Variants in RBFOX3 observed in about 807,000 individuals in gnomAD.
RBFOX3 encodes the protein RNA binding fox-1 homolog 3, also known as RNA binding protein fox-1 homolog 3.
A neutral mutation model predicts 48.7 loss-of-function variants in RBFOX3; 17 were observed. The observed-to-expected ratio is 0.35, with a 90% confidence interval of 0.24 to 0.52. The LOEUF is 0.52. RBFOX3 is among the 20% of genes least tolerant of loss of function. RBFOX3 has a pLI of 0.94. For synonymous variants in RBFOX3, 212 were observed against 209.5 expected, an observed-to-expected ratio of 1.01 and a Z score of -0.10; for missense variants, 382 against 497.5, an observed-to-expected ratio of 0.77 and a Z score of 2.21.
the RBFOX3 span, among the ~76,000 whole-genome samples, chr17:79,636,824 A>T: frequency 6.6e-6 from 1 of 152,320 alleles, no homozygotes; most frequent in Admixed American, 6.5e-5. Context: ...AAACATTTAC[A>T]TTACATGTAA....
At chr17:79,532,231 G>C (rs1472090694) in intron 1 of RBFOX3, among the ~76,000 whole-genome samples, 1 of 152,060 alleles carries the variant, frequency 6.6e-6, no homozygotes, top group Non-Finnish European at 1.5e-5. Flanking sequence ...ATGAGGCTCA[G>C]TTCCCCCTTT....
rs766389727 is a variant in RBFOX3 at position 79,096,740 on chromosome 17, G to A, written c.849C>T (p.Tyr283=). ...GTGGTGGGAACGCTGGAGAGGTGGGGTAGGCCGGCTCCGGTGTCTGCTGAG... is the reference window on the plus strand; with the variant it reads ...GTGGTGGGAACGCTGGAGAGGTGGGATAGGCCGGCTCCGGTGTCTGCTGAG... ...LPPQQTPEPA[Y]PTSPAFPPLS... The change falls in exon 12 of 15, where the codon TAC becomes TAT. Residue 283 remains tyrosine (Y), a synonymous_variant. Transcript: ENST00000693108. 2 of 1,534,590 alleles carry A rather than the reference G, an allele frequency of 1.3e-6. No individual in the cohort carries two copies. Among genetic ancestry groups the A allele is most frequent in the South Asian group, 1.2e-5 (1 of 83,672 alleles).
chr17:79,614,954 C>T (rs1599296034), upstream of RBFOX3, among the ~76,000 whole-genome samples: 1 of 152,052 alleles, frequency 6.6e-6, no homozygotes, highest in East Asian at 1.9e-4. Flanking sequence ...GAAAGGAAAT[C>T]ATCAATTACT....
At chr17:79,228,268 G>C (rs772131156) in intron 4 of RBFOX3, among the ~76,000 whole-genome samples, 1 of 152,188 alleles carries the variant, frequency 6.6e-6, no homozygotes, top group African/African-American at 2.4e-5. Flanking sequence ...GCTCCGGAGC[G>C]GGCGGGGTGG....
intron 2 of RBFOX3, among the ~76,000 whole-genome samples, chr17:79,330,198 C>A (rs983002023): frequency 6.6e-6 from 1 of 152,216 alleles, no homozygotes; most frequent in African/African-American, 2.4e-5. Flanking sequence ...TGGGACACAG[C>A]AATGTCTTCT....
At position 79,392,850 on chromosome 17, in the gene RBFOX3, C is replaced by T. The variant is rs189271599; in HGVS notation, c.-174-85026G>A. ...TAACCTGCTGCTGCTGACTGAGACA[C>T]TGACTCCTGCAGAGCTTCTCTGAGG... On this transcript the variant is annotated intron_variant, in intron 2 of 14. Transcript: ENST00000693108. The surrounding 1 kb of genome is among the most constrained non-coding windows in gnomAD (Gnocchi z 5.0). Among the ~76,000 whole-genome samples, 18 of 152,346 alleles carry T rather than the reference C, an allele frequency of 1.2e-4. No homozygotes were observed. Among genetic ancestry groups the T allele is most frequent in the African/African-American group, 3.6e-4 (15 of 41,578 alleles).
At chr17:79,330,659 C>T (rs993244405) in intron 2 of RBFOX3, among the ~76,000 whole-genome samples, 3 of 152,138 alleles carry the variant, frequency 2.0e-5, no homozygotes, top group Admixed American at 2.0e-4. Flanking sequence ...GGCTCTGGGA[C>T]GGGCAAAATC....
At chr17:79,124,115 T>A (rs1179382793) in intron 4 of RBFOX3, among the ~76,000 whole-genome samples, 1 of 152,234 alleles carries the variant, frequency 6.6e-6, no homozygotes, top group East Asian at 1.9e-4. Flanking sequence ...CCACTGGGCA[T>A]GCTCTTTACA....
At chr17:79,247,144 T>G (rs1394056230) in intron 3 of RBFOX3, among the ~76,000 whole-genome samples, 2 of 152,040 alleles carry the variant, frequency 1.3e-5, no homozygotes, top group Non-Finnish European at 2.9e-5. Context: ...AGGCCAAGTG[T>G]GCTGGAGGCT....
intron 1 of RBFOX3, among the ~76,000 whole-genome samples, chr17:79,576,745 T>C (rs2092876883): frequency 6.7e-6 from 1 of 148,998 alleles, no homozygotes; most frequent in Non-Finnish European, 1.5e-5. Context: ...ATGATGGAGA[T>C]CATGGAGATG....
intron 4 of RBFOX3, among the ~76,000 whole-genome samples, chr17:79,228,169 G>A (rs1057364693): frequency 4.6e-5 from 7 of 152,180 alleles, no homozygotes; most frequent in Non-Finnish European, 1.0e-4. Flanking sequence ...GTGGGATTGT[G>A]TCAAGACCTC....
At chr17:79,627,589 C>T in the RBFOX3 span, among the ~76,000 whole-genome samples, 2 of 152,132 alleles carry the variant, frequency 1.3e-5, no homozygotes, top group East Asian at 1.9e-4. Context: ...AATAAGAGCC[C>T]GCGCCTCTCC....
chr17:79,463,781 ACCT>A lies in RBFOX3; in HGVS notation c.-175+18670_-175+18672del, dbSNP rs551577982. ...TACCGCCATCACCACTGCCACTGCC[ACCT>A]CCACCACCATCTCCACTGCCACTGC... On this transcript the variant is annotated intron_variant, in intron 2 of 14. Transcript: ENST00000693108. Among the ~76,000 whole-genome samples the A allele has an allele frequency of 1.6e-3, 233 of 143,406 alleles. 1 individual carries two copies. The highest frequency in any genetic ancestry group is 5.9e-3 in the African/African-American group (221 of 37,686). 94.1% of individuals were successfully genotyped at this position (143,406 alleles called of 152,430 possible).
At chr17:79,173,431 T>C (rs2045659) in intron 4 of RBFOX3, among the ~76,000 whole-genome samples, 112,392 of 152,076 alleles carry the variant, frequency 0.74, 42,504 homozygotes, top group African/African-American at 0.92. Flanking sequence ...GTCGTCTTCC[T>C]ACTGCCATCC....
intron 1 of RBFOX3, among the ~76,000 whole-genome samples, chr17:79,572,358 G>T (rs1159798785): frequency 6.6e-6 from 1 of 152,190 alleles, no homozygotes; most frequent in South Asian, 2.1e-4. Flanking sequence ...CTTCTCCTCA[G>T]GCAAGGTCCC....
intron 1 of RBFOX3, chr17:79,602,163 T>C (rs1325003138): frequency 6.6e-6 from 1 of 152,206 alleles, no homozygotes. Flanking sequence ...AAGGCTTTAA[T>C]GGTAAGGAAA....
At position 79,111,494 on chromosome 17, in the gene RBFOX3, G is replaced by A. The variant is rs551447044; in HGVS notation, c.222+4000C>T. 3.9e-5 allele frequency among the ~76,000 whole-genome samples: 6 copies of A among 152,280 alleles called. No homozygotes were observed. Among genetic ancestry groups the A allele is most frequent in the Admixed American group, 1.3e-4 (2 of 15,298 alleles). ...TCTGTCGCCCAGGCTGGAGTGCAGC[G>A]GCGTGATCTCAGCTCACTGCAACCT... On this transcript the variant is annotated intron_variant, in intron 5 of 14. Transcript: ENST00000693108. This position sits in a 1 kb window ranked among gnomAD's most constrained non-coding sequence, Gnocchi z 4.2.
chr17:79,132,171 C>T (rs2039068906), intron 4 of RBFOX3, among the ~76,000 whole-genome samples: 1 of 151,042 alleles, frequency 6.6e-6, no homozygotes. Context: ...TTCCCAGCTC[C>T]CAGGGTGAGG....
rs113519589 is a variant in RBFOX3, at chr17:79,456,920, G to C, written c.-175+25534C>G. 1.5e-3 allele frequency among the ~76,000 whole-genome samples: 228 copies of C among 152,354 alleles called. 4 individuals are homozygous for C. The highest frequency in any genetic ancestry group is 5.2e-3 in the African/African-American group (217 of 41,584). On this transcript the variant is annotated intron_variant, in intron 2 of 14. Transcript: ENST00000693108. ...CATCCTAAATCCCCCAAGTTGTTCT[G>C]TATCACAGCACCTGCCCATTCCCAT...
Sources: allele counts gnomAD v4.1 joint callset (sites outside exome capture counted in the v4.1 genomes callset), GRCh38; gene constraint gnomAD v4.1.1; non-coding constraint Gnocchi (gnomAD v3.1); transcripts MANE v1.5; gene names NCBI Gene and HGNC (gene_info 2026-07-23, HGNC 2026-07-21).